Variants in SLC9A9 observed in about 807,000 individuals in gnomAD.
The protein encoded by SLC9A9 is sodium/hydrogen exchanger 9.
SLC9A9 carries 62 observed loss-of-function variants against 77.8 expected under a neutral mutation model. The observed-to-expected ratio is 0.80, with a 90% confidence interval of 0.65 to 0.98. The LOEUF is 0.98. Ranked by LOEUF, SLC9A9 falls within the 50% of genes least tolerant of loss-of-function variation. The pLI, the probability that SLC9A9 is intolerant of heterozygous loss-of-function variation, is 0.00. For synonymous variants in SLC9A9, 320 were observed against 283.5 expected (o/e 1.13, Z -1.29); for missense variants, 775 against 774.9 (o/e 1.00, Z 0.00).
chr3:143,842,208 A>G (rs1389979610), intron 1 of SLC9A9, among the ~76,000 whole-genome samples: 6 of 152,110 alleles, frequency 3.9e-5, no homozygotes, highest in Non-Finnish European at 8.8e-5. Context: ...GTGAAACCCC[A>G]TCTCTACTAA....
At chr3:143,659,346 A>T (rs1212985084) in intron 5 of SLC9A9, among the ~76,000 whole-genome samples, 1 of 152,208 alleles carries the variant, frequency 6.6e-6, no homozygotes, top group Non-Finnish European at 1.5e-5. Context: ...GAGGAAAGAG[A>T]CATGTTTAAA....
intron 6 of SLC9A9, among the ~76,000 whole-genome samples, chr3:143,616,177 TG>T (rs150982087): frequency 0.029 from 4,388 of 152,206 alleles, 195 homozygotes; most frequent in African/African-American, 0.1. Flanking sequence ...GCCACTGCCC[TG>T]GGCCTAAATT....
At chr3:143,715,732 G>A (rs1190349109) in intron 4 of SLC9A9, among the ~76,000 whole-genome samples, 1 of 152,146 alleles carries the variant, frequency 6.6e-6, no homozygotes, top group Non-Finnish European at 1.5e-5. Context: ...GAATGAGACA[G>A]CCCTGGTCAG....
intron 14 of SLC9A9, among the ~76,000 whole-genome samples, chr3:143,300,049 G>A (rs1261888508): frequency 3.3e-5 from 5 of 152,180 alleles, no homozygotes; most frequent in African/African-American, 4.8e-5. Context: ...AGGGCTGAGG[G>A]GAACAAATGT....
chr3:143,595,121 T>C (rs6770565), intron 6 of SLC9A9, among the ~76,000 whole-genome samples: 104,432 of 152,000 alleles, frequency 0.69, 36,872 homozygotes, highest in African/African-American at 0.85. Context: ...ATGATTTCTG[T>C]TTCAAAAGAC....
intron 6 of SLC9A9, among the ~76,000 whole-genome samples, chr3:143,611,796 C>T (rs543816995): frequency 3.3e-5 from 5 of 152,026 alleles, no homozygotes; most frequent in South Asian, 2.1e-4. Flanking sequence ...TGCAGTGATC[C>T]GATCATGGCT....
intron 12 of SLC9A9, among the ~76,000 whole-genome samples, chr3:143,456,027 A>G (rs1029427759): frequency 6.6e-6 from 1 of 152,014 alleles, no homozygotes; most frequent in Non-Finnish European, 1.5e-5. Flanking sequence ...ACTATTAAAT[A>G]TGATGTTAGG....
chr3:143,667,473 T>G (rs1188031418), intron 5 of SLC9A9, among the ~76,000 whole-genome samples: 1 of 152,208 alleles, frequency 6.6e-6, no homozygotes, highest in Non-Finnish European at 1.5e-5. Context: ...AAGCCAAAAT[T>G]GACAAATGGG....
At chr3:143,274,768 C>A (rs9874676) in intron 14 of SLC9A9, among the ~76,000 whole-genome samples, 27,881 of 152,116 alleles carry the variant, frequency 0.18, 5,348 homozygotes, top group African/African-American at 0.48. Context: ...CAGACACAAC[C>A]ATCTCAGAAT....
chr3:143,471,479 C>G (rs1184929519), intron 11 of SLC9A9, among the ~76,000 whole-genome samples: 1 of 152,066 alleles, frequency 6.6e-6, no homozygotes, highest in Non-Finnish European at 1.5e-5. Flanking sequence ...AGGGTACCAG[C>G]AAAATACTAA....
At chr3:143,558,462 C>A (rs760970806) in intron 8 of SLC9A9, among the ~76,000 whole-genome samples, 4 of 152,162 alleles carry the variant, frequency 2.6e-5, no homozygotes, top group Non-Finnish European at 4.4e-5. Context: ...AGGGTTGTAC[C>A]CTACAAAGCC....
At chr3:143,568,280 T>C (rs964759298) in intron 8 of SLC9A9, among the ~76,000 whole-genome samples, 1 of 152,118 alleles carries the variant, frequency 6.6e-6, no homozygotes, top group Admixed American at 6.6e-5. Flanking sequence ...TACCTTCAGA[T>C]GTCCTAATTC....
intron 13 of SLC9A9, among the ~76,000 whole-genome samples, chr3:143,368,465 G>T (rs1445392366): frequency 6.6e-6 from 1 of 152,180 alleles, no homozygotes; most frequent in Non-Finnish European, 1.5e-5. Flanking sequence ...TGAACTGGAT[G>T]AACTCTGCTT....
Position 143,298,174 on chromosome 3 carries a change from C to T in SLC9A9, c.1605-29194G>A, listed in dbSNP as rs989353173. Among the ~76,000 whole-genome samples, 3 of 152,172 alleles carry T rather than the reference C, an allele frequency of 2.0e-5. No homozygotes were observed. The South Asian group carries it at 6.2e-4, about 32-fold the overall frequency. The stretch of plus-strand genomic sequence containing the variant: ...TGGAACTAGTGGAAGGGCTTCCCCC[C>T]ACGTTGATGTTCAGGTTAGCCACTG... On this transcript the variant is annotated intron_variant, in intron 14 of 15. Coordinates refer to ENST00000316549, the MANE Select transcript of SLC9A9 (RefSeq NM_173653.4).
rs143943071 is a variant in SLC9A9, at chr3:143,564,591, G to T, written c.1000+9497C>A. On this transcript the variant is annotated intron_variant, in intron 8 of 15. Coordinates refer to ENST00000316549, the MANE Select transcript of SLC9A9 (RefSeq NM_173653.4). Reference sequence around the variant, plus strand: ...CTGAAAGTGAACCTGGAACTGAGAAGTCAAAGATTTAACAAAATGGAAAAC... The same window carrying T: ...CTGAAAGTGAACCTGGAACTGAGAATTCAAAGATTTAACAAAATGGAAAAC... Among the ~76,000 whole-genome samples the T allele has an allele frequency of 4.0e-3, 603 of 152,230 alleles. 1 individual carries two copies. Among genetic ancestry groups the T allele is most frequent in the Middle Eastern group, 6.8e-3 (2 of 294 alleles).
In SLC9A9 at chr3:143,487,327, T is replaced by C. The variant is rs148784425; in HGVS notation, c.1315+6326A>G. On this transcript the variant is annotated intron_variant, in intron 11 of 15. Coordinates refer to ENST00000316549, the MANE Select transcript of SLC9A9 (RefSeq NM_173653.4). ...GAAATAGACAATTCTACAATAATAGTTGGAGACTTAAATATACCACTCTCA... is the reference window on the plus strand; with the variant it reads ...GAAATAGACAATTCTACAATAATAGCTGGAGACTTAAATATACCACTCTCA... Among the ~76,000 whole-genome samples the C allele has an allele frequency of 4.3e-4, 66 of 151,976 alleles. 1 individual carries two copies. The East Asian group carries it at 9.6e-3, about 22-fold the overall frequency.
At chr3:143,634,602 G>A (rs2108730519) in intron 6 of SLC9A9, among the ~76,000 whole-genome samples, 1 of 151,996 alleles carries the variant, frequency 6.6e-6, no homozygotes, top group East Asian at 1.9e-4. Flanking sequence ...ACTTTGCTCT[G>A]AACATTTTTG....
At chr3:143,334,538 T>C (rs1259680032) in intron 14 of SLC9A9, among the ~76,000 whole-genome samples, 1 of 152,244 alleles carries the variant, frequency 6.6e-6, no homozygotes, top group Non-Finnish European at 1.5e-5. Context: ...TGCTTTGTGA[T>C]TTTGAGCCTC....
intron 12 of SLC9A9, among the ~76,000 whole-genome samples, chr3:143,448,395 A>C (rs116783326): frequency 0.014 from 2,077 of 152,270 alleles, 50 homozygotes; most frequent in African/African-American, 0.047. Context: ...AAGAAAATTA[A>C]CACAAAGCTT....
Sources: gnomAD v4.1 joint callset for allele counts (sites outside exome capture counted in the v4.1 genomes callset) on GRCh38, gnomAD v4.1.1 for gene constraint, MANE v1.5 for transcripts, NCBI Gene and HGNC (gene_info 2026-07-23, HGNC 2026-07-21) for gene names.